ZNF681: variants seen among roughly 807,000 people sequenced by gnomAD.
The protein encoded by ZNF681 is hypothetical protein FLJ31526.
Under a neutral mutation model 56.0 loss-of-function variants are expected in ZNF681, and 37 were observed. The ratio of observed to expected loss-of-function variants is 0.66; its 90% CI spans 0.51 to 0.87. The LOEUF (loss-of-function observed/expected upper bound fraction) is 0.87, where lower values mean the gene tolerates loss of function less well. ZNF681 is among the 40% of genes least tolerant of loss of function. The pLI, the probability that ZNF681 is intolerant of heterozygous loss-of-function variation, is 0.00. For synonymous variants in ZNF681, 225 were observed against 248.6 expected, an observed-to-expected ratio of 0.91 and a Z score of 0.89; for missense variants, 741 against 744.9, an observed-to-expected ratio of 0.99 and a Z score of 0.06.
In ZNF681 at chr19:23,743,434, C is replaced by T. The variant is rs907683792; in HGVS notation, c.*178G>A. ...TGAACAGATATTAATGGCTTTTTCACATTCTGTATATTTGAAATTTTTTTC... is the reference window on the plus strand; with the variant it reads ...TGAACAGATATTAATGGCTTTTTCATATTCTGTATATTTGAAATTTTTTTC... On this transcript the variant is annotated 3_prime_UTR_variant, in exon 4 of 4. Transcript: ENST00000402377. 2.8e-5 allele frequency: 14 copies of T among 499,596 alleles called. No homozygotes were observed. The highest frequency in any genetic ancestry group is 4.0e-5 in the Non-Finnish European group (12 of 297,964). 30.9% of individuals were successfully genotyped at this position (499,596 alleles called of 1,614,324 possible). A position where few individuals can be genotyped will look rare whatever the true frequency, so the allele number is the denominator to read the frequency against.
In ZNF681 at chr19:23,745,326, GAAAGAAATAAAAATAACAAATGACT is replaced by G. The variant is rs1410750104; in HGVS notation, c.227-28_227-4del. On this transcript the variant is annotated splice_polypyrimidine_tract_variant and splice_region_variant and intron_variant, in intron 3 of 3. Transcript: ENST00000402377. ...TTGGGCAAAATGAGAACAAATAACT[GAAAGAAATAAAAATAACAAATGACT>G]CCACTTGATAAGACTCTAAATATAC... is the stretch of plus-strand genomic sequence containing the variant. 6.6e-7 allele frequency: 1 copy of G among 1,515,028 alleles called. No individual in the cohort carries two copies. Among genetic ancestry groups the G allele is most frequent in the East Asian group, 2.3e-5 (1 of 43,418 alleles). The allele number at this position is 1,515,028 out of a possible 1,614,324, so 93.8% of individuals were successfully genotyped here.
In ZNF681 at chr19:23,755,466, CTA is replaced by C. The variant is rs1568312652; in HGVS notation, c.87_88del (p.Tyr29Ter). On this transcript the variant is annotated stop_gained and frameshift_variant, in exon 2 of 4. Coordinates refer to ENST00000402377, the MANE Select transcript of ZNF681 (RefSeq NM_138286.3). LOFTEE classifies it high-confidence loss of function. ...TCTGTAGTTCTCTAACATCACATTC[CTA>C]TATAAATTCTGCTGTATAGTGTCCA... 6.2e-7 allele frequency: 1 copy of C among 1,604,020 alleles called. No homozygotes were observed. Among genetic ancestry groups the C allele is most frequent in the East Asian group, 2.3e-5 (1 of 44,112 alleles).
rs1968885410 is a variant in ZNF681 at position 23,742,510 on chromosome 19, A to G, written c.*1102T>C. ...CTGTCTCAAAAAAAAAAAAAGTACAATTAGTAAAATGATATACCAGAAAAT... is the reference window on the plus strand; with the variant it reads ...CTGTCTCAAAAAAAAAAAAAGTACAGTTAGTAAAATGATATACCAGAAAAT... On this transcript the variant is annotated 3_prime_UTR_variant, in exon 4 of 4. Coordinates refer to ENST00000402377, the MANE Select transcript of ZNF681 (RefSeq NM_138286.3). The G allele has an allele frequency of 6.6e-6, 1 of 152,094 alleles. No homozygotes were observed. Among genetic ancestry groups the G allele is most frequent in the Non-Finnish European group, 1.5e-5 (1 of 68,022 alleles). 9.4% of individuals were successfully genotyped at this position (152,094 alleles called of 1,614,324 possible). A position where few individuals can be genotyped will look rare whatever the true frequency, so the allele number is the denominator to read the frequency against.
intron 3 of ZNF681, among the ~76,000 whole-genome samples, chr19:23,752,839 C>T (rs1969052986): frequency 6.6e-6 from 1 of 152,124 alleles, no homozygotes. Context: ...CTATATTTTG[C>T]CTATCGTCAA....
chr19:23,756,876 T>C (rs544226463), intron 1 of ZNF681, among the ~76,000 whole-genome samples: 1 of 152,142 alleles, frequency 6.6e-6, no homozygotes, highest in African/African-American at 2.4e-5. Flanking sequence ...ATACAAAAAT[T>C]TATTTTTTTT....
At chr19:23,750,668 C>T (rs913401438) in intron 3 of ZNF681, among the ~76,000 whole-genome samples, 1 of 151,430 alleles carries the variant, frequency 6.6e-6, no homozygotes, top group Non-Finnish European at 1.5e-5. Context: ...ATGGGGAAAC[C>T]CCATCTCTAC....
Position 23,758,824 on chromosome 19 carries a change from G to A in ZNF681, c.-75C>T, listed in dbSNP as rs1159416098. 6.3e-7 allele frequency: 1 copy of A among 1,595,954 alleles called. No individual in the cohort carries two copies. Among genetic ancestry groups the A allele is most frequent in the Non-Finnish European group, 8.6e-7 (1 of 1,164,972 alleles). On this transcript the variant is annotated 5_prime_UTR_variant, in exon 1 of 4. Transcript: ENST00000402377. ...TGCAGGTCAGAGGGCCATAGAGGCT[G>A]GGCCTCTAGAAGAAGAGGACACAGA...
At position 23,744,276 on chromosome 19, in the gene ZNF681, TCA is replaced by T. The variant is rs1290195619; in HGVS notation, c.1272_1273del (p.Cys424Ter). On this transcript the variant is annotated stop_gained and frameshift_variant, in exon 4 of 4. Coordinates refer to ENST00000402377, the MANE Select transcript of ZNF681 (RefSeq NM_138286.3). LOFTEE classifies it high-confidence loss of function. ...TTGGTTAGAAGCTTTGCCACATTTT[TCA>T]CACTGGTAGGGTTTTTCTCCAGTAT... is the stretch of plus-strand genomic sequence containing the variant. 7 of 1,613,722 alleles carry T rather than the reference TCA, an allele frequency of 4.3e-6. No individual in the cohort carries two copies. The South Asian group carries it at 6.6e-5, about 15-fold the overall frequency.
chr19:23,751,626 A>G (rs143633143), intron 3 of ZNF681, among the ~76,000 whole-genome samples: 1 of 152,300 alleles, frequency 6.6e-6, no homozygotes, highest in East Asian at 1.9e-4. Context: ...CATAAACAGA[A>G]GATTCTAATG....
chr19:23,750,114 A>G (rs1418742847), intron 3 of ZNF681, among the ~76,000 whole-genome samples: 4 of 151,608 alleles, frequency 2.6e-5, no homozygotes, highest in African/African-American at 9.7e-5. Flanking sequence ...GTGAAACCCC[A>G]TCTCTACTAA....
At chr19:23,757,941 C>T (rs1029163837) in intron 1 of ZNF681, among the ~76,000 whole-genome samples, 4 of 152,056 alleles carry the variant, frequency 2.6e-5, no homozygotes, top group Non-Finnish European at 5.9e-5. Flanking sequence ...TACTAATAAG[C>T]AATTTGAACA....
chr19:23,753,604 TG>T (rs1339756452), intron 3 of ZNF681, among the ~76,000 whole-genome samples: 1 of 152,276 alleles, frequency 6.6e-6, no homozygotes, highest in Non-Finnish European at 1.5e-5. Context: ...GGCTCACACC[TG>T]TAATCCCAGC....
At chr19:23,745,437 C>T in intron 3 of ZNF681, 114 bp from the exon 4 acceptor site, 1 of 815,792 alleles carries the variant, frequency 1.2e-6, no homozygotes. Flanking sequence ...TAGCAAAATA[C>T]CAAAGGCCCT....
chr19:23,757,235 G>GA (rs538562840), intron 1 of ZNF681, among the ~76,000 whole-genome samples: 1 of 151,758 alleles, frequency 6.6e-6, no homozygotes, highest in African/African-American at 2.4e-5. Flanking sequence ...AAAAGAAAAA[G>GA]AAAAAAAATT....
At chr19:23,751,978 C>A (rs1320734993) in intron 3 of ZNF681, among the ~76,000 whole-genome samples, 9 of 152,184 alleles carry the variant, frequency 5.9e-5, no homozygotes, top group African/African-American at 2.2e-4. Context: ...TGAGCCACTG[C>A]GCCCGGCCTG....
chr19:23,739,973 A>C lies in ZNF681; in HGVS notation c.*3639T>G, dbSNP rs1260212544. The C allele has an allele frequency of 6.6e-6, 1 of 152,202 alleles. No homozygotes were observed. Among genetic ancestry groups the C allele is most frequent in the Non-Finnish European group, 1.5e-5 (1 of 68,024 alleles). The allele number at this position is 152,202 out of a possible 1,614,324, so 9.4% of individuals were successfully genotyped here. A position where few individuals can be genotyped will look rare whatever the true frequency, so the allele number is the denominator to read the frequency against. ...TACAAATAGAAGATTTTGCATGGAA[A>C]CGTACATTGTGGCATAAGTATACTG... On this transcript the variant is annotated 3_prime_UTR_variant, in exon 4 of 4. Transcript: ENST00000402377.
chr19:23,750,706 G>T (rs951119529), intron 3 of ZNF681, among the ~76,000 whole-genome samples: 1 of 151,562 alleles, frequency 6.6e-6, no homozygotes, highest in Admixed American at 6.6e-5. Context: ...GCCAGGCCTG[G>T]TGGCATGTGC....
rs1272725062 is a variant in ZNF681 at position 23,741,286 on chromosome 19, TG to T, written c.*2325del. The stretch of plus-strand genomic sequence containing the variant: ...TGTGCTTGCAGGCAGAGAGGCAACA[TG>T]TTTGAAGAAAAATATATAACAATTT... On this transcript the variant is annotated 3_prime_UTR_variant, in exon 4 of 4. Transcript: ENST00000402377. 1 of 152,148 alleles carries T rather than the reference TG, an allele frequency of 6.6e-6. No homozygotes were observed. The highest frequency in any genetic ancestry group is 1.5e-5 in the Non-Finnish European group (1 of 68,020). 9.4% of individuals were successfully genotyped at this position (152,148 alleles called of 1,614,324 possible).
Position 23,743,326 on chromosome 19 carries a change from T to C in ZNF681, c.*286A>G. 4.6e-6 allele frequency: 1 copy of C among 219,580 alleles called. No homozygotes were observed. Among genetic ancestry groups the C allele is most frequent in the South Asian group, 1.1e-4 (1 of 9,108 alleles). The allele number at this position is 219,580 out of a possible 1,614,324, so 13.6% of individuals were successfully genotyped here. A position where few individuals can be genotyped will look rare whatever the true frequency, so the allele number is the denominator to read the frequency against. On this transcript the variant is annotated 3_prime_UTR_variant, in exon 4 of 4. Transcript: ENST00000402377. ...AATGAATACTCTTCACTTTAGAGGC[T>C]TATATTTTCTGAAAGATTTTTGACA... is the stretch of plus-strand genomic sequence containing the variant.
Sources: gnomAD v4.1 joint callset for allele counts (sites outside exome capture counted in the v4.1 genomes callset) on GRCh38, gnomAD v4.1.1 for gene constraint, MANE v1.5 for transcripts, NCBI Gene and HGNC (gene_info 2026-07-23, HGNC 2026-07-21) for gene names.